The following ACTN2 variants were observed in gnomAD, a reference collection of about 807,000 sequenced individuals.
ACTN2 encodes alpha-actinin-2.
ACTN2 carries 39 observed loss-of-function variants against 113.8 expected under a neutral mutation model. The ratio of observed to expected loss-of-function variants is 0.34; its 90% confidence interval spans 0.27 to 0.45. The LOEUF (loss-of-function observed/expected upper bound fraction) is 0.45. Ranked by LOEUF, ACTN2 falls within the 20% of genes least tolerant of loss-of-function variation. The pLI is 1.00. For missense variants in ACTN2, 992 were observed against 1,177.9 expected (o/e 0.84, Z 2.31); for synonymous variants, 429 against 444.1 (o/e 0.97, Z 0.43).
chr1:236,720,828 T>C (rs1658362023), intron 4 of ACTN2, among the ~76,000 whole-genome samples: 1 of 152,032 alleles, frequency 6.6e-6, no homozygotes. Flanking sequence ...ATTGGAACTT[T>C]GCCTGTTTGG....
chr1:236,710,838 C>T (rs570233136), intron 1 of ACTN2, among the ~76,000 whole-genome samples: 5 of 152,302 alleles, frequency 3.3e-5, no homozygotes, highest in East Asian at 3.9e-4. Flanking sequence ...TTATGAGAAT[C>T]GAATGGCTGA....
At chr1:236,722,165 T>G (rs983809075) in intron 4 of ACTN2, among the ~76,000 whole-genome samples, 11 of 152,210 alleles carry the variant, frequency 7.2e-5, no homozygotes, top group Non-Finnish European at 1.3e-4. Flanking sequence ...TGTTTTAGTT[T>G]CATGGAGTAA....
chr1:236,757,700 A>G, intron 18 of ACTN2, 68 bp downstream of exon 18: 1 of 1,590,986 alleles, frequency 6.3e-7, no homozygotes, highest in South Asian at 1.1e-5. Context: ...AATAATATGC[A>G]TGCTCTCGTT....
intron 9 of ACTN2, 104 bp from the exon 10 acceptor site, chr1:236,739,198 G>A: frequency 8.4e-7 from 1 of 1,196,152 alleles, no homozygotes; most frequent in Non-Finnish European, 1.2e-6. Context: ...GTGATTTTAG[G>A]AACATTCATC....
At chr1:236,728,166 C>CA (rs1658610279) in intron 6 of ACTN2, among the ~76,000 whole-genome samples, 2 of 124,670 alleles carry the variant, frequency 1.6e-5, no homozygotes, top group African/African-American at 6.1e-5. Context: ...TTTTTTGAGA[C>CA]AGAGTCTCGC....
chr1:236,726,043 C>T (rs1303552188), intron 5 of ACTN2, 23 bp downstream of exon 5: 2 of 1,593,396 alleles, frequency 1.3e-6, no homozygotes, highest in South Asian at 1.1e-5. Context: ...GGCCCCTGGT[C>T]CTTGTATTCT....
intron 7 of ACTN2, among the ~76,000 whole-genome samples, chr1:236,735,136 T>C (rs1219214493): frequency 6.6e-6 from 1 of 152,202 alleles, no homozygotes; most frequent in East Asian, 1.9e-4. Context: ...CGCAAGGCAC[T>C]TTACAGAGTA....
In ACTN2 at chr1:236,720,121, C is replaced by T. The variant is rs1341863; in HGVS notation, c.378C>T (p.Asn126=). Residue 126 remains asparagine, a synonymous_variant, in exon 4 of 21, where the codon AAC becomes AAT. Transcript: ENST00000366578. ...TACCTGCAGAAATTGTTGATGGCAA[C>T]GTGAAAATGACCCTGGGTATGATCT... The part of the protein sequence containing the change: ...SIGAEEIVDG[N]VKMTLGMIWT... 0.98 allele frequency: 1,580,042 copies of T among 1,611,842 alleles called. 776,125 individuals are homozygous for T. The highest frequency in any genetic ancestry group is 1 in the Non-Finnish European group (1,173,276 of 1,178,010).
Position 236,731,308 on chromosome 1 carries a change from G to A in ACTN2, c.691G>A (p.Ala231Thr). Residue 231 changes from alanine to threonine, a missense_variant, in exon 7 of 21, where the codon GCT becomes ACT. Physicochemically the swap from Ala to Thr is moderately conservative, Grantham distance 58 (BLOSUM62 0). Transcript: ENST00000366578. ...CCTGGATATTCCTAAAATGTTGGAT[G>A]CTGAAGGTGAGATGAAAATTGTGTT... Reference protein sequence around the residue: ...KHLDIPKMLDAEDIVNTPKPD... With the variant: ...KHLDIPKMLDTEDIVNTPKPD... 1 of 1,612,974 alleles carries A rather than the reference G, an allele frequency of 6.2e-7. No individual in the cohort carries two copies. Among genetic ancestry groups the A allele is most frequent in the Non-Finnish European group, 8.5e-7 (1 of 1,178,946 alleles).
chr1:236,710,191 G>A (rs1350222366), intron 1 of ACTN2, among the ~76,000 whole-genome samples: 2 of 152,164 alleles, frequency 1.3e-5, no homozygotes, highest in African/African-American at 2.4e-5. Context: ...AGAGGATGAT[G>A]TAAATAATCA....
chr1:236,695,574 G>GCCA (rs1657473459), intron 1 of ACTN2, among the ~76,000 whole-genome samples: 1 of 37,124 alleles, frequency 2.7e-5, no homozygotes, highest in African/African-American at 1.1e-4. Flanking sequence ...CCCCCCCCCT[G>GCCA]CCCAGATTGA....
At position 236,734,456 on chromosome 1, in the gene ACTN2, G is replaced by A. The variant is rs1317190224; in HGVS notation, c.698-1179G>A. 46 of 1,535,578 alleles carry A rather than the reference G, an allele frequency of 3.0e-5. No individual in the cohort carries two copies. Among genetic ancestry groups the A allele is most frequent in the Non-Finnish European group, 4.0e-5 (46 of 1,146,646 alleles). On this transcript the variant is annotated intron_variant, in intron 7 of 20. Transcript: ENST00000366578. ...AGATTTAGTATACACTGCCAGACCCGATGAAAGAGCCATAATGACTTATGT... is the reference window on the plus strand; with the variant it reads ...AGATTTAGTATACACTGCCAGACCCAATGAAAGAGCCATAATGACTTATGT...
intron 1 of ACTN2, among the ~76,000 whole-genome samples, chr1:236,694,209 T>C (rs1246243723): frequency 6.6e-6 from 1 of 151,938 alleles, no homozygotes; most frequent in African/African-American, 2.4e-5. Flanking sequence ...TGACATTTTT[T>C]TTTTTCTTTT....
intron 1 of ACTN2, among the ~76,000 whole-genome samples, chr1:236,697,446 G>A (rs920294509): frequency 6.6e-6 from 1 of 152,200 alleles, no homozygotes; most frequent in Non-Finnish European, 1.5e-5. Flanking sequence ...ACTCTGAGGG[G>A]ATAGGTGGAA....
intron 6 of ACTN2, among the ~76,000 whole-genome samples, chr1:236,728,202 G>A (rs1231829328): frequency 6.7e-6 from 1 of 149,536 alleles, no homozygotes; most frequent in Non-Finnish European, 1.5e-5. Context: ...GGAGTGCAGT[G>A]GTGTGATCTC....
chr1:236,726,359 G>A (rs768323866), intron 5 of ACTN2, among the ~76,000 whole-genome samples: 1 of 152,172 alleles, frequency 6.6e-6, no homozygotes, highest in Non-Finnish European at 1.5e-5. Context: ...TCTCAGGGAT[G>A]AGGGAGACCC....
At chr1:236,699,735 TA>T in intron 1 of ACTN2, among the ~76,000 whole-genome samples, 1 of 152,082 alleles carries the variant, frequency 6.6e-6, no homozygotes, top group Non-Finnish European at 1.5e-5. Context: ...CTTTGCAATT[TA>T]AAAAAATCCT....
intron 10 of ACTN2, among the ~76,000 whole-genome samples, chr1:236,739,960 C>T (rs1232278548): frequency 6.6e-6 from 1 of 152,218 alleles, no homozygotes; most frequent in African/African-American, 2.4e-5. Context: ...GAATCATGCA[C>T]ACCAGCATAC....
intron 4 of ACTN2, among the ~76,000 whole-genome samples, chr1:236,724,838 C>CTTTTTT (rs5781922): frequency 2.4e-5 from 2 of 81,670 alleles, no homozygotes; most frequent in Admixed American, 1.2e-4. Context: ...TGGGTTTTTC[C>CTTTTTT]TTTTTTTTTT....
Sources: allele counts gnomAD v4.1 joint callset (sites outside exome capture counted in the v4.1 genomes callset), GRCh38; gene constraint gnomAD v4.1.1; transcripts MANE v1.5; gene names NCBI Gene and HGNC (gene_info 2026-07-23, HGNC 2026-07-21).